CDH13: variants seen among roughly 807,000 people sequenced by gnomAD.
The protein encoded by CDH13 is cadherin 13.
In CDH13, 24 loss-of-function variants were observed where a neutral mutation model predicts 63.8. That is an observed-to-expected ratio of 0.38 (90% CI 0.27 to 0.53). The LOEUF (loss-of-function observed/expected upper bound fraction) is 0.53. CDH13 is among the 20% of genes least tolerant of loss of function. The probability of loss-of-function intolerance (pLI) is 0.85; values close to 1 mark genes in which losing one functional copy is unlikely to be tolerated. For synonymous variants in CDH13, 503 were observed against 355.3 expected (o/e 1.42, Z -4.67); for missense variants, 1,049 against 903.1 (o/e 1.16, Z -2.07).
At chr16:83,712,689 C>G (rs1332077226) in intron 10 of CDH13, among the ~76,000 whole-genome samples, 1 of 152,170 alleles carries the variant, frequency 6.6e-6, no homozygotes, top group African/African-American at 2.4e-5. Flanking sequence ...CACATCTATC[C>G]TTTTCTGGAA....
At chr16:83,682,079 C>G (rs574359601) in intron 10 of CDH13, among the ~76,000 whole-genome samples, 7 of 152,348 alleles carry the variant, frequency 4.6e-5, no homozygotes, top group African/African-American at 1.2e-4. Flanking sequence ...TACCTCTGTT[C>G]TTGTCTTCTT....
rs1480218693 is a variant in CDH13 at position 83,486,515 on chromosome 16, G to A, written c.820G>A (p.Asp274Asn). 6.2e-7 allele frequency: 1 copy of A among 1,613,780 alleles called. No individual in the cohort carries two copies. ...VMRMTAFDADDPATDNALLRY... is the reference protein window; with the variant it reads ...VMRMTAFDADNPATDNALLRY... ...GCGGATGACAGCCTTTGATGCAGATGACCCAGCCACCGATAATGCCCTCCT... is the reference window on the plus strand; with the variant it reads ...GCGGATGACAGCCTTTGATGCAGATAACCCAGCCACCGATAATGCCCTCCT... The change falls in exon 7 of 14, where the codon GAC (aspartate) becomes AAC (asparagine). Residue 274 changes from aspartate to asparagine, a missense_variant. By Grantham distance (23) the Asp-to-Asn change is conservative. Coordinates refer to ENST00000567109, the MANE Select transcript of CDH13 (RefSeq NM_001257.5).
In CDH13 at chr16:83,636,353, T is replaced by A. The variant is rs187577683; in HGVS notation, c.1101+33759T>A. 3.3e-5 allele frequency among the ~76,000 whole-genome samples: 5 copies of A among 152,324 alleles called. No homozygotes were observed. The East Asian group carries it at 9.7e-4, about 29-fold the overall frequency. On this transcript the variant is annotated intron_variant, in intron 8 of 13. Transcript: ENST00000567109. ...TGCAGGAATACATGTGCAGGTTTGT[T>A]ACGAAGGTATATTACATGATGCTAG...
intron 7 of CDH13, among the ~76,000 whole-genome samples, chr16:83,554,173 G>A (rs996170382): frequency 2.0e-5 from 3 of 152,048 alleles, no homozygotes; most frequent in African/African-American, 7.2e-5. Context: ...GAAATAGAAG[G>A]TAAAATCCTC....
chr16:82,909,770 ATCTTAT>A (rs569543041), intron 2 of CDH13, among the ~76,000 whole-genome samples: 61 of 152,240 alleles, frequency 4.0e-4, no homozygotes, highest in Non-Finnish European at 5.6e-4. Context: ...GGGAGATCTC[ATCTTAT>A]TCAAGATGAG....
At chr16:83,324,365 C>T (rs1182909942) in intron 5 of CDH13, among the ~76,000 whole-genome samples, 1 of 152,170 alleles carries the variant, frequency 6.6e-6, no homozygotes, top group African/African-American at 2.4e-5. Flanking sequence ...ATTGTCTTCA[C>T]CTCAAAAGAA....
chr16:83,567,876 T>C (rs763692104), intron 7 of CDH13, among the ~76,000 whole-genome samples: 4 of 151,942 alleles, frequency 2.6e-5, no homozygotes, highest in Non-Finnish European at 5.9e-5. Flanking sequence ...ATTACAGGCA[T>C]GAGCCACCAC....
At chr16:83,058,949 A>G (rs983129406) in intron 3 of CDH13, among the ~76,000 whole-genome samples, 6 of 152,064 alleles carry the variant, frequency 3.9e-5, no homozygotes, top group African/African-American at 1.4e-4. Flanking sequence ...TTATGTGCAA[A>G]TCTAATCCAT....
chr16:83,334,307 C>CTATCT (rs975969953), intron 5 of CDH13, among the ~76,000 whole-genome samples: 3 of 149,960 alleles, frequency 2.0e-5, no homozygotes, highest in African/African-American at 7.4e-5. Context: ...CTCTCTCTCC[C>CTATCT]CCCTCTCTCC....
intron 6 of CDH13, among the ~76,000 whole-genome samples, chr16:83,350,163 C>T (rs1364301): frequency 0.41 from 62,865 of 152,026 alleles, 15,669 homozygotes; most frequent in East Asian, 0.77. Context: ...ATATCCTGTC[C>T]TCTTGAGGCC....
At chr16:83,599,321 T>C (rs772995992) in intron 7 of CDH13, among the ~76,000 whole-genome samples, 13 of 152,210 alleles carry the variant, frequency 8.5e-5, no homozygotes, top group Non-Finnish European at 1.5e-4. Flanking sequence ...CACCGCGCAA[T>C]GTCAGGAGCT....
At chr16:83,460,498 C>T (rs1478476462) in intron 6 of CDH13, among the ~76,000 whole-genome samples, 5 of 152,120 alleles carry the variant, frequency 3.3e-5, no homozygotes, top group African/African-American at 9.7e-5. Context: ...AGCATAGCTC[C>T]GTACCCGGCA....
At chr16:83,264,186 A>AT (rs572795293) in intron 5 of CDH13, among the ~76,000 whole-genome samples, 9 of 152,086 alleles carry the variant, frequency 5.9e-5, no homozygotes, top group African/African-American at 7.2e-5. Flanking sequence ...CCCTGAATAC[A>AT]TTTTTTTTCA....
At chr16:83,750,316 C>A (rs1567571311) in intron 11 of CDH13, among the ~76,000 whole-genome samples, 1 of 152,130 alleles carries the variant, frequency 6.6e-6, no homozygotes, top group Non-Finnish European at 1.5e-5. Context: ...AAAGAAATAG[C>A]TCACGTTCAG....
intron 2 of CDH13, among the ~76,000 whole-genome samples, chr16:82,959,138 C>T (rs1297773852): frequency 6.6e-6 from 1 of 152,190 alleles, no homozygotes; most frequent in Non-Finnish European, 1.5e-5. Context: ...ATGGCACATA[C>T]ACAACAAGTA....
chr16:83,469,850 G>C (rs1423853391), intron 6 of CDH13, among the ~76,000 whole-genome samples: 2 of 152,256 alleles, frequency 1.3e-5, no homozygotes, highest in African/African-American at 4.8e-5. Flanking sequence ...AAATGTATGA[G>C]ATTCTTGGAT....
chr16:83,010,115 A>C (rs1404493720), intron 2 of CDH13, among the ~76,000 whole-genome samples: 2 of 143,582 alleles, frequency 1.4e-5, no homozygotes, highest in Non-Finnish European at 3.0e-5. Flanking sequence ...AGGCTGGGCA[A>C]CAAGAGCAAA....
rs181135530 is a variant in CDH13 at position 83,122,625 on chromosome 16, A to T, written c.367-2760A>T. Among the ~76,000 whole-genome samples the T allele has an allele frequency of 5.4e-4, 82 of 152,238 alleles. 1 individual carries two copies. Among genetic ancestry groups the T allele is most frequent in the African/African-American group, 1.9e-3 (77 of 41,536 alleles). On this transcript the variant is annotated intron_variant, in intron 3 of 13. Coordinates refer to ENST00000567109, the MANE Select transcript of CDH13 (RefSeq NM_001257.5). ...ACTTTGTGATTGTCCCTTTATCCCT[A>T]TTCATTTGTGAGTGTAAGGACCTTG...
intron 7 of CDH13, among the ~76,000 whole-genome samples, chr16:83,521,006 T>A (rs891517421): frequency 1.3e-5 from 2 of 152,220 alleles, no homozygotes; most frequent in African/African-American, 4.8e-5. Flanking sequence ...AAATTTCACC[T>A]TTGTAATGTC....
Sources: gnomAD v4.1 joint callset for allele counts (sites outside exome capture counted in the v4.1 genomes callset) on GRCh38, gnomAD v4.1.1 for gene constraint, MANE v1.5 for transcripts, NCBI Gene and HGNC (gene_info 2026-07-23, HGNC 2026-07-21) for gene names.